NTN4: variants seen among roughly 807,000 people sequenced by gnomAD.
The protein encoded by NTN4 is netrin 4, also known as netrin-4.
NTN4 carries 32 observed loss-of-function variants against 73.6 expected under a neutral mutation model. The ratio of observed to expected loss-of-function variants is 0.44; its 90% CI spans 0.33 to 0.58. NTN4 has a LOEUF of 0.58. Among genes scored for constraint, NTN4 ranks in the 20% least tolerant of loss-of-function variants. NTN4 has a pLI of 0.04. For synonymous variants in NTN4, 258 were observed against 287.5 expected (o/e 0.90, Z 1.04); for missense variants, 654 against 798.3 (o/e 0.82, Z 2.18).
At chr12:95,723,342 T>A (rs1208249558) in intron 3 of NTN4, among the ~76,000 whole-genome samples, 1 of 151,766 alleles carries the variant, frequency 6.6e-6, no homozygotes, top group African/African-American at 2.4e-5. Flanking sequence ...CTCGCTAGGT[T>A]TTCTTGGCCT....
chr12:95,677,243 T>C (rs1300934951), intron 7 of NTN4, among the ~76,000 whole-genome samples: 1 of 151,362 alleles, frequency 6.6e-6, no homozygotes, highest in Non-Finnish European at 1.5e-5. Context: ...AAAAAAAGAA[T>C]CGGTAATTTT....
At chr12:95,724,118 A>G (rs1262512550) in intron 3 of NTN4, among the ~76,000 whole-genome samples, 2 of 152,166 alleles carry the variant, frequency 1.3e-5, no homozygotes, top group African/African-American at 4.8e-5. Flanking sequence ...TCATATTTTC[A>G]CAAGATTAAT....
chr12:95,673,112 C>A, intron 7 of NTN4: 1 of 1,052,940 alleles, frequency 9.5e-7, no homozygotes, highest in East Asian at 2.8e-5. Flanking sequence ...CCCTCCTTGC[C>A]TGGTGTGTCC....
chr12:95,780,627 T>C (rs1320611961), intron 2 of NTN4, among the ~76,000 whole-genome samples: 2 of 150,390 alleles, frequency 1.3e-5, no homozygotes, highest in Non-Finnish European at 2.9e-5. Flanking sequence ...GTTAGAATGG[T>C]AATCATTAAA....
chr12:95,691,586 G>A (rs1192245787), intron 5 of NTN4, among the ~76,000 whole-genome samples: 1 of 152,092 alleles, frequency 6.6e-6, no homozygotes, highest in South Asian at 2.1e-4. Context: ...AGTAGAGACG[G>A]GGTTTTGCCA....
intron 3 of NTN4, among the ~76,000 whole-genome samples, chr12:95,713,756 A>G (rs571153743): frequency 2.6e-5 from 4 of 152,334 alleles, no homozygotes; most frequent in Admixed American, 2.6e-4. Context: ...ATATAATTCC[A>G]GTACTTAAAA....
At chr12:95,702,858 G>GTTT (rs35050257) in intron 5 of NTN4, among the ~76,000 whole-genome samples, 17 of 123,690 alleles carry the variant, frequency 1.4e-4, no homozygotes, top group South Asian at 2.8e-4. Context: ...TTTTTTTTTG[G>GTTT]TTTTTTTTTT....
At chr12:95,707,053 G>T (rs1247342277) in intron 5 of NTN4, among the ~76,000 whole-genome samples, 3 of 152,222 alleles carry the variant, frequency 2.0e-5, no homozygotes, top group Non-Finnish European at 4.4e-5. Context: ...TTCAACTAAA[G>T]CTGAATGCTG....
intron 3 of NTN4, among the ~76,000 whole-genome samples, chr12:95,735,895 T>G (rs1031218288): frequency 2.7e-5 from 4 of 146,286 alleles, no homozygotes; most frequent in African/African-American, 1.0e-4. Context: ...GCTCATGATT[T>G]TTTTTAAATT....
intron 5 of NTN4, among the ~76,000 whole-genome samples, chr12:95,710,233 A>G (rs1240956838): frequency 6.6e-6 from 1 of 152,208 alleles, no homozygotes; most frequent in Non-Finnish European, 1.5e-5. Flanking sequence ...AGAATGAGAA[A>G]GGAAATTACT....
chr12:95,754,467 T>C (rs2078933306), intron 2 of NTN4, among the ~76,000 whole-genome samples: 1 of 152,198 alleles, frequency 6.6e-6, no homozygotes, highest in Admixed American at 6.5e-5. Context: ...ATGTCAGGCC[T>C]CTGAGCCCAA....
intron 3 of NTN4, among the ~76,000 whole-genome samples, chr12:95,736,398 G>A (rs1226750421): frequency 6.6e-6 from 1 of 152,184 alleles, no homozygotes; most frequent in Non-Finnish European, 1.5e-5. Context: ...ACTCTACTCT[G>A]AGGTGGTCCT....
intron 3 of NTN4, among the ~76,000 whole-genome samples, chr12:95,722,907 G>A (rs960330375): frequency 7.0e-6 from 1 of 143,132 alleles, no homozygotes; most frequent in African/African-American, 2.6e-5. Context: ...CCGGAAGGCA[G>A]AGGTTGCAGT....
intron 3 of NTN4, among the ~76,000 whole-genome samples, chr12:95,719,621 G>C (rs2078631926): frequency 6.6e-6 from 1 of 152,182 alleles, no homozygotes; most frequent in South Asian, 2.1e-4. Flanking sequence ...TCTTATTCAG[G>C]ACAAAAACAT....
chr12:95,767,808 G>A (rs1249541795), intron 2 of NTN4, among the ~76,000 whole-genome samples: 2 of 152,092 alleles, frequency 1.3e-5, no homozygotes, highest in African/African-American at 4.8e-5. Context: ...CCATCTAAAT[G>A]GGAACCCTTT....
intron 5 of NTN4, among the ~76,000 whole-genome samples, chr12:95,708,323 T>G (rs958699042): frequency 6.6e-6 from 1 of 151,512 alleles, no homozygotes; most frequent in Non-Finnish European, 1.5e-5. Flanking sequence ...AGTCTTGCTC[T>G]GTCGCCCAGG....
At chr12:95,697,787 T>C (rs1035346887) in intron 5 of NTN4, among the ~76,000 whole-genome samples, 3 of 152,190 alleles carry the variant, frequency 2.0e-5, no homozygotes, top group African/African-American at 7.2e-5. Flanking sequence ...TCATGGGATC[T>C]TTGTAGTCAG....
intron 5 of NTN4, among the ~76,000 whole-genome samples, chr12:95,694,118 G>A (rs568340320): frequency 1.3e-5 from 2 of 152,280 alleles, no homozygotes; most frequent in East Asian, 1.9e-4. Context: ...ATGGAATTCA[G>A]CATCTTACCG....
At chr12:95,682,285 C>T (rs1181571794) in intron 7 of NTN4, among the ~76,000 whole-genome samples, 3 of 151,808 alleles carry the variant, frequency 2.0e-5, no homozygotes, top group Non-Finnish European at 4.4e-5. Context: ...AACTCTTAGC[C>T]TTAAGCAATC....
Sources: allele counts gnomAD v4.1 joint callset (sites outside exome capture counted in the v4.1 genomes callset), GRCh38; gene constraint gnomAD v4.1.1; transcripts MANE v1.5; gene names NCBI Gene and HGNC (gene_info 2026-07-23, HGNC 2026-07-21).